RBFOX1: variants seen among roughly 807,000 people sequenced by gnomAD.
RBFOX1 encodes the protein RNA binding fox-1 homolog 1.
A neutral mutation model predicts 57.7 loss-of-function variants in RBFOX1; 8 were observed. That is an observed-to-expected ratio of 0.14 (90% confidence interval 0.08 to 0.25). The LOEUF (loss-of-function observed/expected upper bound fraction) is 0.25, where lower values mean the gene tolerates loss of function less well. Among genes scored for constraint, RBFOX1 ranks in the 10% least tolerant of loss-of-function variants. RBFOX1 has a pLI of 1.00. For synonymous variants in RBFOX1, 326 were observed against 222.4 expected (o/e 1.47, Z -4.15); for missense variants, 611 against 548.5 (o/e 1.11, Z -1.14).
chr16:6,354,163 T>A (rs1342763780), intron 2 of RBFOX1, among the ~76,000 whole-genome samples: 2 of 151,770 alleles, frequency 1.3e-5, no homozygotes, highest in African/African-American at 4.8e-5. Context: ...GATGTTGGAG[T>A]GAGCCGAGAT....
chr16:6,660,353 T>G (rs2098693318), intron 3 of RBFOX1, among the ~76,000 whole-genome samples: 1 of 152,100 alleles, frequency 6.6e-6, no homozygotes, highest in Non-Finnish European at 1.5e-5. Flanking sequence ...CACGATTACT[T>G]ATATAACAAA....
At chr16:6,737,417 A>T (rs771678868) in intron 3 of RBFOX1, among the ~76,000 whole-genome samples, 3 of 152,188 alleles carry the variant, frequency 2.0e-5, no homozygotes, top group African/African-American at 7.2e-5. Flanking sequence ...AGTGTGCATC[A>T]CAGTATTAAA....
At chr16:5,779,501 C>T (rs2054258857) in intron 3 of RBFOX1, among the ~76,000 whole-genome samples, 1 of 152,138 alleles carries the variant, frequency 6.6e-6, no homozygotes, top group African/African-American at 2.4e-5. Context: ...TGGTGTGGGG[C>T]CCAAGCTCTG....
intron 3 of RBFOX1, among the ~76,000 whole-genome samples, chr16:5,647,205 C>T (rs1227115682): frequency 1.3e-5 from 2 of 152,132 alleles, no homozygotes; most frequent in Non-Finnish European, 2.9e-5. Context: ...TGAATATGAA[C>T]CCCAGGTTTA....
At chr16:7,705,952 T>C (rs893010811) in intron 14 of RBFOX1, among the ~76,000 whole-genome samples, 3 of 152,186 alleles carry the variant, frequency 2.0e-5, no homozygotes, top group Admixed American at 1.3e-4. Context: ...ATGCATGGTG[T>C]GGAGGATGAC....
intron 1 of RBFOX1, among the ~76,000 whole-genome samples, chr16:6,186,644 G>A (rs1284208555): frequency 6.6e-6 from 1 of 152,110 alleles, no homozygotes; most frequent in African/African-American, 2.4e-5. Context: ...TATTTGGATG[G>A]ATTATGGGTT....
At chr16:5,354,564 C>G (rs1440085951) in intron 1 of RBFOX1, among the ~76,000 whole-genome samples, 2 of 152,232 alleles carry the variant, frequency 1.3e-5, no homozygotes, top group Non-Finnish European at 2.9e-5. Context: ...TCAATACATT[C>G]TGGCTATTAG....
chr16:5,691,911 A>G (rs1377703945), intron 3 of RBFOX1, among the ~76,000 whole-genome samples: 2 of 152,198 alleles, frequency 1.3e-5, no homozygotes, highest in Non-Finnish European at 2.9e-5. Context: ...ACTCTCCTAT[A>G]CTGCCTTCCT....
chr16:5,958,580 A>G (rs1310967050), intron 4 of RBFOX1, among the ~76,000 whole-genome samples: 1 of 152,232 alleles, frequency 6.6e-6, no homozygotes. Context: ...TTTAAATGAG[A>G]TAATACAGGT....
In RBFOX1 at chr16:6,903,889, G is replaced by C. The variant is rs140066965; in HGVS notation, c.-15-148168G>C. On this transcript the variant is annotated intron_variant, in intron 3 of 15. Coordinates refer to ENST00000550418, the MANE Select transcript of RBFOX1 (RefSeq NM_018723.4). ...AGGGTGGTGAAGCTGGGAGCAAACA[G>C]CTTCTAGATCAAGCTGCCAGGGAGG... 7.2e-5 allele frequency among the ~76,000 whole-genome samples: 11 copies of C among 152,262 alleles called. No homozygotes were observed. The East Asian group carries it at 1.4e-3, about 19-fold the overall frequency.
chr16:5,287,393 C>T (rs1175818905), intron 1 of RBFOX1, among the ~76,000 whole-genome samples: 1 of 152,112 alleles, frequency 6.6e-6, no homozygotes, highest in Non-Finnish European at 1.5e-5. Flanking sequence ...GCCAAACTAG[C>T]TCTACAGTCT....
chr16:7,060,174 C>G (rs903525401), intron 4 of RBFOX1, among the ~76,000 whole-genome samples: 4 of 152,128 alleles, frequency 2.6e-5, no homozygotes, highest in Non-Finnish European at 5.9e-5. Flanking sequence ...GCCATAGGGT[C>G]TCCATTGCCC....
chr16:5,730,258 A>G (rs967470314), intron 3 of RBFOX1, among the ~76,000 whole-genome samples: 2 of 152,130 alleles, frequency 1.3e-5, no homozygotes, highest in East Asian at 1.9e-4. Flanking sequence ...TTTTCTTTCA[A>G]TGTCCATACC....
chr16:7,246,629 C>T (rs976168658), intron 4 of RBFOX1, among the ~76,000 whole-genome samples: 3 of 128,758 alleles, frequency 2.3e-5, no homozygotes, highest in African/African-American at 6.8e-5. Flanking sequence ...TGTATGGTCA[C>T]CTCCTTTTTT....
chr16:6,092,278 G>A (rs552975845), intron 1 of RBFOX1: 2 of 152,206 alleles, frequency 1.3e-5, no homozygotes, highest in African/African-American at 2.4e-5. Context: ...GAAGCCCTCT[G>A]CAGTAGGCAT....
intron 2 of RBFOX1, among the ~76,000 whole-genome samples, chr16:6,353,253 A>T (rs1040257010): frequency 1.3e-5 from 2 of 152,064 alleles, no homozygotes; most frequent in African/African-American, 2.4e-5. Flanking sequence ...TCCATCTGAA[A>T]TGCACTTGGA....
intron 4 of RBFOX1, among the ~76,000 whole-genome samples, chr16:7,502,520 A>C (rs1478299117): frequency 1.3e-5 from 2 of 152,200 alleles, no homozygotes; most frequent in Non-Finnish European, 2.9e-5. Flanking sequence ...CCAGCTTTGA[A>C]AAGGGGCTGA....
At chr16:5,606,337 C>T (rs1442420423) in intron 3 of RBFOX1, among the ~76,000 whole-genome samples, 1 of 152,018 alleles carries the variant, frequency 6.6e-6, no homozygotes, top group African/African-American at 2.4e-5. Context: ...CAGATCTGAC[C>T]ATCCAAATTC....
At chr16:7,676,540 C>G (rs112541281) in intron 13 of RBFOX1, among the ~76,000 whole-genome samples, 4 of 152,260 alleles carry the variant, frequency 2.6e-5, no homozygotes, top group African/African-American at 7.2e-5. Flanking sequence ...CCTCTAGGCT[C>G]TTCTTTTGGG....
Sources: gnomAD v4.1 joint callset for allele counts (sites outside exome capture counted in the v4.1 genomes callset) on GRCh38, gnomAD v4.1.1 for gene constraint, MANE v1.5 for transcripts, NCBI Gene and HGNC (gene_info 2026-07-23, HGNC 2026-07-21) for gene names.